The following PHLPP1 variants were observed in gnomAD, a reference collection of about 807,000 sequenced individuals.
The protein encoded by PHLPP1 is PH domain leucine-rich repeat-containing protein phosphatase 1.
PHLPP1 carries 42 observed loss-of-function variants against 117.2 expected under a neutral mutation model. That is an observed-to-expected ratio of 0.36 (90% confidence interval 0.28 to 0.46). The LOEUF (loss-of-function observed/expected upper bound fraction) is 0.46. Ranked by LOEUF, PHLPP1 falls within the 20% of genes least tolerant of loss-of-function variation. The pLI, the probability that PHLPP1 is intolerant of heterozygous loss-of-function variation, is 1.00. For synonymous variants in PHLPP1, 1,042 were observed against 970.7 expected (o/e 1.07, Z -1.37); for missense variants, 2,084 against 2,241.9 (o/e 0.93, Z 1.42).
chr18:62,841,354 A>G (rs1380709817), intron 3 of PHLPP1, among the ~76,000 whole-genome samples: 4 of 112,096 alleles, frequency 3.6e-5, no homozygotes, highest in African/African-American at 1.4e-4. Flanking sequence ...TTTTTTTGAG[A>G]TGGAGTCTCG....
rs1401870836 is a variant in PHLPP1, at chr18:62,980,372, AG to A, written c.*942del. On this transcript the variant is annotated 3_prime_UTR_variant, in exon 17 of 17. Coordinates refer to ENST00000262719, the MANE Select transcript of PHLPP1 (RefSeq NM_194449.4). ...ATTTACATACCCAGAGTTATACTCAAGCAGAATGCACAAATGGACATGTCAT... is the reference window on the plus strand; with the variant it reads ...ATTTACATACCCAGAGTTATACTCAACAGAATGCACAAATGGACATGTCAT... 6.6e-6 allele frequency: 1 copy of A among 152,634 alleles called. No individual in the cohort carries two copies. The highest frequency in any genetic ancestry group is 2.4e-5 in the African/African-American group (1 of 41,444). 9.5% of individuals were successfully genotyped at this position (152,634 alleles called of 1,614,324 possible).
chr18:62,724,830 CAG>C lies in PHLPP1; in HGVS notation c.1576+7579_1576+7580del, dbSNP rs1911022253. ...ATGGAACAGGTGGGTATTTTAATTG[CAG>C]AGAGAGAAATTAGATTTCATCAGTG... On this transcript the variant is annotated intron_variant, in intron 1 of 16. Transcript: ENST00000262719. 2.0e-5 allele frequency among the ~76,000 whole-genome samples: 3 copies of C among 152,040 alleles called. No individual in the cohort carries two copies. In the South Asian group the frequency reaches 6.2e-4, roughly 32 times the overall value.
At chr18:62,951,019 T>C (rs1344302586) in intron 12 of PHLPP1, among the ~76,000 whole-genome samples, 2 of 151,838 alleles carry the variant, frequency 1.3e-5, no homozygotes, top group African/African-American at 4.8e-5. Context: ...TCTCGCTCTG[T>C]TGCCCAGGCT....
At chr18:62,961,013 A>T (rs934560793) in intron 13 of PHLPP1, among the ~76,000 whole-genome samples, 1 of 151,988 alleles carries the variant, frequency 6.6e-6, no homozygotes, top group African/African-American at 2.4e-5. Flanking sequence ...GATATACAAG[A>T]TGGCCGGGTG....
intron 1 of PHLPP1, among the ~76,000 whole-genome samples, chr18:62,798,864 G>A (rs900444532): frequency 6.6e-6 from 1 of 151,920 alleles, no homozygotes; most frequent in Admixed American, 6.6e-5. Flanking sequence ...CTTCTTGTGT[G>A]TCCACTAGAT....
At position 62,847,711 on chromosome 18, in the gene PHLPP1, A is replaced by T. The variant is rs903858797; in HGVS notation, c.1899+8802A>T. ...AAAGCATTCTTTAGTTTAACCTTGA[A>T]TTCTAGTCTTCAACAACAAACGACT... is the stretch of plus-strand genomic sequence containing the variant. On this transcript the variant is annotated intron_variant, in intron 3 of 16. Transcript: ENST00000262719. Among the ~76,000 whole-genome samples the T allele has an allele frequency of 2.0e-5, 3 of 151,966 alleles. No individual in the cohort carries two copies. The South Asian group carries it at 6.3e-4, about 32-fold the overall frequency.
At chr18:62,899,879 A>C (rs995943159) in intron 6 of PHLPP1, among the ~76,000 whole-genome samples, 1 of 152,220 alleles carries the variant, frequency 6.6e-6, no homozygotes, top group Non-Finnish European at 1.5e-5. Context: ...TTTGTTGCCT[A>C]GGCTGGCTCA....
At position 62,978,211 on chromosome 18, in the gene PHLPP1, G is replaced by C; in HGVS notation, c.3985-51G>C. The C allele has an allele frequency of 9.1e-7, 1 of 1,096,542 alleles. No homozygotes were observed. The highest frequency in any genetic ancestry group is 1.3e-6 in the Non-Finnish European group (1 of 747,212). 67.9% of individuals were successfully genotyped at this position (1,096,542 alleles called of 1,614,324 possible). ...GGACCCGCAGGGAACCTGCACAGTT[G>C]CCGCAGGTGCTCTGTATTAACTGTC... On this transcript the variant is annotated intron_variant, in intron 16 of 16. Transcript: ENST00000262719. The surrounding 1 kb of genome is among the most constrained non-coding windows in gnomAD (Gnocchi z 7.0).
intron 1 of PHLPP1, among the ~76,000 whole-genome samples, chr18:62,781,308 C>CT (rs1368288502): frequency 6.6e-6 from 1 of 152,184 alleles, no homozygotes; most frequent in East Asian, 1.9e-4. Flanking sequence ...TGGCTTTGGA[C>CT]AAATTTTCTC....
rs373911008 is a variant in PHLPP1, at chr18:62,963,441, G to T, written c.3529G>T (p.Gly1177Cys). The change falls in exon 14 of 17, where the codon GGT (glycine) becomes TGT (cysteine). Residue 1177 changes from glycine (G) to cysteine (C), a missense_variant. Gly to Cys is a radical substitution (Grantham distance 159). Coordinates refer to ENST00000262719, the MANE Select transcript of PHLPP1 (RefSeq NM_194449.4). ...ASGAPAVWSH[G>C]YTEASGVKNK... ...CGGAGCCCCAGCTGTATGGAGTCATGGTTACACTGAAGCTTCGGGGGTAAA... is the reference window on the plus strand; with the variant it reads ...CGGAGCCCCAGCTGTATGGAGTCATTGTTACACTGAAGCTTCGGGGGTAAA... 2 of 1,613,000 alleles carry T rather than the reference G, an allele frequency of 1.2e-6. No homozygotes were observed. The highest frequency in any genetic ancestry group is 1.3e-5 in the African/African-American group (1 of 74,924).
intron 4 of PHLPP1, among the ~76,000 whole-genome samples, chr18:62,881,768 T>C (rs1347206528): frequency 6.6e-6 from 1 of 152,166 alleles, no homozygotes; most frequent in African/African-American, 2.4e-5. Context: ...TGTGGATTCA[T>C]TTTAGAAGTC....
chr18:62,900,361 C>A (rs897054219), intron 6 of PHLPP1, among the ~76,000 whole-genome samples: 2 of 147,714 alleles, frequency 1.4e-5, no homozygotes, highest in Non-Finnish European at 1.5e-5. Flanking sequence ...AAAGTTTGTC[C>A]TAGTTACATC....
chr18:62,833,732 TATA>T (rs1167108849), intron 2 of PHLPP1, among the ~76,000 whole-genome samples: 1 of 152,230 alleles, frequency 6.6e-6, no homozygotes, highest in African/African-American at 2.4e-5. Context: ...TTCATTTCTC[TATA>T]ATGTCTACTG....
At chr18:62,852,430 G>A (rs1371346124) in intron 3 of PHLPP1, among the ~76,000 whole-genome samples, 2 of 152,028 alleles carry the variant, frequency 1.3e-5, no homozygotes, top group East Asian at 3.9e-4. Flanking sequence ...TGCGAGCTCC[G>A]CCTCCTGGGT....
At chr18:62,892,315 C>T (rs1310284326) in intron 4 of PHLPP1, among the ~76,000 whole-genome samples, 1 of 151,882 alleles carries the variant, frequency 6.6e-6, no homozygotes, top group Non-Finnish European at 1.5e-5. Flanking sequence ...TCTCGAACTC[C>T]TGACTTCAGG....
chr18:62,736,016 G>C (rs963717566), intron 1 of PHLPP1, among the ~76,000 whole-genome samples: 6 of 151,916 alleles, frequency 3.9e-5, no homozygotes, highest in Non-Finnish European at 7.4e-5. Flanking sequence ...TGTATAAAAT[G>C]GGTGAGAACC....
chr18:62,954,023 A>T (rs1910544317), intron 12 of PHLPP1, among the ~76,000 whole-genome samples: 1 of 152,230 alleles, frequency 6.6e-6, no homozygotes, highest in African/African-American at 2.4e-5. Flanking sequence ...CATAATAAAG[A>T]CAGGCTCCAT....
intron 10 of PHLPP1, among the ~76,000 whole-genome samples, chr18:62,926,545 G>T (rs1427987826): frequency 6.6e-6 from 1 of 152,072 alleles, no homozygotes; most frequent in Non-Finnish European, 1.5e-5. Flanking sequence ...GCCAGTGAGG[G>T]GTGTGCGTAT....
rs1262953416 is a variant in PHLPP1, at chr18:62,905,303, G to C, written c.2708+19G>C. 1 of 1,326,670 alleles carries C rather than the reference G, an allele frequency of 7.5e-7. No homozygotes were observed. The allele number at this position is 1,326,670 out of a possible 1,614,324, so 82.2% of individuals were successfully genotyped here. A position where few individuals can be genotyped will look rare whatever the true frequency, so the allele number is the denominator to read the frequency against. On this transcript the variant is annotated intron_variant, in intron 8 of 16. Transcript: ENST00000262719. ...TTTCAAGGTAAGAAGTCAAGTCTTA[G>C]AGCCCTCTAGAGTCTACTAGAAAAT... is the stretch of plus-strand genomic sequence containing the variant.
Sources: allele counts gnomAD v4.1 joint callset (sites outside exome capture counted in the v4.1 genomes callset), GRCh38; gene constraint gnomAD v4.1.1; non-coding constraint Gnocchi (gnomAD v3.1); transcripts MANE v1.5; gene names NCBI Gene and HGNC (gene_info 2026-07-23, HGNC 2026-07-21).